Variants in PDE2A observed in about 807,000 individuals in gnomAD.
The protein encoded by PDE2A is cGMP-dependent 3',5'-cyclic phosphodiesterase.
A neutral mutation model predicts 133.6 loss-of-function variants in PDE2A; 53 were observed. The observed-to-expected ratio is 0.40, with a 90% confidence interval of 0.32 to 0.50. PDE2A has a LOEUF of 0.50. PDE2A is among the 20% of genes least tolerant of loss of function. The probability of loss-of-function intolerance (pLI) is 0.73; values close to 1 mark genes in which losing one functional copy is unlikely to be tolerated. For synonymous variants in PDE2A, 491 were observed against 490.2 expected (o/e 1.00, Z -0.02); for missense variants, 796 against 1,232.4 (o/e 0.65, Z 5.30).
At chr11:72,617,947 G>A (rs939232836) in intron 2 of PDE2A, among the ~76,000 whole-genome samples, 4 of 152,096 alleles carry the variant, frequency 2.6e-5, no homozygotes, top group Non-Finnish European at 4.4e-5. Context: ...GGGTCCGTCT[G>A]GGGCACGCCT....
chr11:72,591,378 A>G (rs774327149), intron 6 of PDE2A, 22 bp from the exon 7 acceptor site: 12 of 1,596,826 alleles, frequency 7.5e-6, no homozygotes, highest in Non-Finnish European at 9.4e-6. Flanking sequence ...GGAGAAGGGA[A>G]CTAGCTGTGA....
At chr11:72,621,144 G>A (rs1439438365) in intron 2 of PDE2A, among the ~76,000 whole-genome samples, 1 of 152,124 alleles carries the variant, frequency 6.6e-6, no homozygotes, top group East Asian at 1.9e-4. Flanking sequence ...CCTAGACAGG[G>A]CTGTCTGACA....
intron 1 of PDE2A, chr11:72,658,233 C>G (rs78683025): frequency 6.3e-5 from 26 of 414,304 alleles, no homozygotes; most frequent in South Asian, 4.5e-4. Context: ...TCTGGTCTCC[C>G]CCATCAGATT....
intron 1 of PDE2A, among the ~76,000 whole-genome samples, chr11:72,669,448 T>G (rs1855333816): frequency 6.6e-6 from 1 of 152,088 alleles, no homozygotes; most frequent in South Asian, 2.1e-4. Flanking sequence ...GTCACATCAC[T>G]GGGGACCTGG....
At chr11:72,623,309 G>A (rs935217877) in intron 2 of PDE2A, among the ~76,000 whole-genome samples, 2 of 151,908 alleles carry the variant, frequency 1.3e-5, no homozygotes, top group Non-Finnish European at 2.9e-5. Flanking sequence ...TTCCTCCCTT[G>A]GCTTCTGGCT....
chr11:72,605,393 G>A (rs748233754), intron 3 of PDE2A, among the ~76,000 whole-genome samples, 167 bp from the exon 4 acceptor site: 6 of 152,170 alleles, frequency 3.9e-5, no homozygotes, highest in Non-Finnish European at 8.8e-5. Flanking sequence ...TGCAGCCAGG[G>A]CAGCAAAACA....
chr11:72,671,893 C>T (rs1855393298), intron 1 of PDE2A, among the ~76,000 whole-genome samples: 2 of 152,296 alleles, frequency 1.3e-5, no homozygotes, highest in Admixed American at 6.5e-5. Context: ...AGCCCACCCA[C>T]GCCCAGCTTT....
At chr11:72,631,632 G>A (rs539813765) in intron 2 of PDE2A, among the ~76,000 whole-genome samples, 2 of 152,250 alleles carry the variant, frequency 1.3e-5, no homozygotes, top group South Asian at 2.1e-4. Flanking sequence ...GACCATGTGG[G>A]AGCCCCCCTA....
At chr11:72,664,624 C>G (rs1324157968) in intron 1 of PDE2A, among the ~76,000 whole-genome samples, 1 of 151,910 alleles carries the variant, frequency 6.6e-6, no homozygotes, top group African/African-American at 2.4e-5. Flanking sequence ...CCGCCCACCT[C>G]AGCCTCCCAA....
intron 14 of PDE2A, 33 bp downstream of exon 14, chr11:72,586,037 G>T (rs1855957712): frequency 7.9e-7 from 1 of 1,272,048 alleles, no homozygotes; most frequent in Non-Finnish European, 1.1e-6. Context: ...GAGCGAGTCG[G>T]TGCCCGAGAG....
At chr11:72,620,403 A>G (rs543386779) in intron 2 of PDE2A, among the ~76,000 whole-genome samples, 16 of 151,576 alleles carry the variant, frequency 1.1e-4, no homozygotes, top group Non-Finnish European at 2.2e-4. Context: ...GGCCTCTGAG[A>G]CTCCCCAGTT....
chr11:72,646,491 A>G (rs534409256), intron 1 of PDE2A, among the ~76,000 whole-genome samples: 1 of 152,362 alleles, frequency 6.6e-6, no homozygotes, highest in Non-Finnish European at 1.5e-5. Context: ...CCTGGCCTAT[A>G]GACTCCAAAC....
chr11:72,615,191 G>A, intron 2 of PDE2A: 1 of 416,896 alleles, frequency 2.4e-6, no homozygotes. Context: ...ACCCCACACT[G>A]TTGGCTCCTC....
At position 72,664,364 on chromosome 11, in the gene PDE2A, A is replaced by ATTTTTTTTTTTTTTTTTTTT. The variant is rs34217943; in HGVS notation, c.71+9753_71+9772dup. Among the ~76,000 whole-genome samples, 5 of 70,076 alleles carry ATTTTTTTTTTTTTTTTTTTT rather than the reference A, an allele frequency of 7.1e-5. 2 individuals are homozygous for ATTTTTTTTTTTTTTTTTTTT. The highest frequency in any genetic ancestry group is 3.0e-4 in the African/African-American group (5 of 16,554). The allele number at this position is 70,076 out of a possible 152,430, so 46.0% of individuals were successfully genotyped here. A position where few individuals can be genotyped will look rare whatever the true frequency, so the allele number is the denominator to read the frequency against. ...CAAAATAGGGCTAGCCCCTTGAAGG[A>ATTTTTTTTTTTTTTTTTTTT]TTTTTTTTTTTTTTTTTTTTTTTTT... On this transcript the variant is annotated intron_variant, in intron 1 of 30. Coordinates refer to ENST00000334456, the MANE Select transcript of PDE2A (RefSeq NM_002599.5).
At chr11:72,588,726 A>G in intron 13 of PDE2A, 58 bp downstream of exon 13, 4 of 1,526,342 alleles carry the variant, frequency 2.6e-6, no homozygotes, top group Non-Finnish European at 3.6e-6. Flanking sequence ...ACCCTCGTGG[A>G]GCCCTAGCCA....
At chr11:72,588,223 A>G (rs1045130136) in intron 13 of PDE2A, among the ~76,000 whole-genome samples, 1 of 152,176 alleles carries the variant, frequency 6.6e-6, no homozygotes, top group East Asian at 1.9e-4. Flanking sequence ...GTAGGATATG[A>G]AATTTATTTA....
At chr11:72,599,000 T>C in intron 4 of PDE2A, 1 of 985,368 alleles carries the variant, frequency 1.0e-6, no homozygotes, top group Non-Finnish European at 1.2e-6. Context: ...TTCCTGATGA[T>C]TAAACTGATG....
intron 7 of PDE2A, 71 bp downstream of exon 7, chr11:72,591,226 G>A: frequency 7.6e-7 from 1 of 1,310,706 alleles, no homozygotes; most frequent in Non-Finnish European, 1.1e-6. Flanking sequence ...CAGCTCCCTG[G>A]CCAGGCCATC....
intron 2 of PDE2A, among the ~76,000 whole-genome samples, chr11:72,633,018 C>T (rs978061536): frequency 2.0e-5 from 3 of 152,162 alleles, no homozygotes; most frequent in African/African-American, 4.8e-5. Flanking sequence ...GTACATAGGC[C>T]CCCCAGGCCA....
Sources: gnomAD v4.1 joint callset for allele counts (sites outside exome capture counted in the v4.1 genomes callset) on GRCh38, gnomAD v4.1.1 for gene constraint, MANE v1.5 for transcripts, NCBI Gene and HGNC (gene_info 2026-07-23, HGNC 2026-07-21) for gene names.